Variants in DTNA observed in about 807,000 individuals in gnomAD.
DTNA encodes dystrophin-related protein 3.
Under a neutral mutation model 100.7 loss-of-function variants are expected in DTNA, and 43 were observed. That is an observed-to-expected ratio of 0.43 (90% CI 0.33 to 0.55). The LOEUF is 0.55. Ranked by LOEUF, DTNA falls within the 20% of genes least tolerant of loss-of-function variation. The pLI, the probability that DTNA is intolerant of heterozygous loss-of-function variation, is 0.04. For synonymous variants in DTNA, 349 were observed against 347.9 expected (o/e 1.00, Z -0.04); for missense variants, 798 against 953.9 (o/e 0.84, Z 2.15).
intron 21 of DTNA, among the ~76,000 whole-genome samples, chr18:34,883,510 A>G (rs752534521): frequency 5.3e-5 from 8 of 152,012 alleles, no homozygotes; most frequent in Non-Finnish European, 8.8e-5. Flanking sequence ...GGGTCTCACC[A>G]TGTTGTCCAA....
intron 20 of DTNA, among the ~76,000 whole-genome samples, chr18:34,880,727 C>T (rs537817292): frequency 2.3e-4 from 35 of 152,266 alleles, no homozygotes; most frequent in African/African-American, 6.0e-4. Flanking sequence ...GAGGTGTGGT[C>T]TGAGAGTCAG....
At chr18:34,571,415 T>C (rs2047574952) in intron 1 of DTNA, among the ~76,000 whole-genome samples, 1 of 152,086 alleles carries the variant, frequency 6.6e-6, no homozygotes, top group Non-Finnish European at 1.5e-5. Flanking sequence ...CTTGACTCAG[T>C]TTATGAATGG....
chr18:34,618,499 G>C (rs1434016803), intron 1 of DTNA, among the ~76,000 whole-genome samples: 1 of 152,090 alleles, frequency 6.6e-6, no homozygotes, highest in Admixed American at 6.6e-5. Flanking sequence ...GAGTAGATAG[G>C]TCATAATTCT....
chr18:34,825,383 A>T, intron 9 of DTNA: 1 of 1,376,864 alleles, frequency 7.3e-7, no homozygotes, highest in Non-Finnish European at 1.0e-6. Context: ...TTTAGAACTA[A>T]GTCTTCTTAT....
chr18:34,823,436 T>C lies in DTNA; in HGVS notation c.1001+2521T>C, dbSNP rs540157801. ...TGCTGTACAATGGAAATAAGTGAAATTTAAGAAATAAAACACACCAATACT... is the reference window on the plus strand; with the variant it reads ...TGCTGTACAATGGAAATAAGTGAAACTTAAGAAATAAAACACACCAATACT... On this transcript the variant is annotated intron_variant, in intron 9 of 22. Coordinates refer to ENST00000444659, the MANE Select transcript of DTNA (RefSeq NM_001386795.1). 2.6e-5 allele frequency among the ~76,000 whole-genome samples: 4 copies of C among 152,292 alleles called. No individual in the cohort carries two copies. The South Asian group carries it at 6.2e-4, about 24-fold the overall frequency.
chr18:34,670,415 C>T (rs2145020297), intron 1 of DTNA, among the ~76,000 whole-genome samples: 1 of 152,332 alleles, frequency 6.6e-6, no homozygotes, highest in Non-Finnish European at 1.5e-5. Context: ...GCCTTCTTCT[C>T]TCAACTTGTC....
chr18:34,559,302 A>T (rs780455555), intron 1 of DTNA, among the ~76,000 whole-genome samples: 1 of 152,368 alleles, frequency 6.6e-6, no homozygotes, highest in East Asian at 1.9e-4. Flanking sequence ...TTACATTGCA[A>T]TTTCGCCAGG....
In DTNA at chr18:34,710,303, T is replaced by G. The variant is rs1411836631; in HGVS notation, c.-144T>G. Reference sequence around the variant, plus strand: ...TGTGTGTTGAGCACAAGGGGAAGAATGAACACAGCTTTTTATTGAAGTTAA... The same window carrying G: ...TGTGTGTTGAGCACAAGGGGAAGAAGGAACACAGCTTTTTATTGAAGTTAA... On this transcript the variant is annotated 5_prime_UTR_variant, in exon 1 of 23. It removes an upstream start codon present in the reference 5' UTR. Transcript: ENST00000444659. 3 of 152,198 alleles carry G rather than the reference T, an allele frequency of 2.0e-5. No homozygotes were observed. The highest frequency in any genetic ancestry group is 7.2e-5 in the African/African-American group (3 of 41,446). The allele number at this position is 152,198 out of a possible 1,614,324, so 9.4% of individuals were successfully genotyped here. A position where few individuals can be genotyped will look rare whatever the true frequency, so the allele number is the denominator to read the frequency against.
intron 4 of DTNA, among the ~76,000 whole-genome samples, chr18:34,801,009 A>G (rs2149162743): frequency 6.6e-6 from 1 of 152,316 alleles, no homozygotes; most frequent in Non-Finnish European, 1.5e-5. Context: ...ATGACAAGTC[A>G]AATTTTGAAG....
At chr18:34,597,766 A>ACCGCCCC (rs1555637966) in intron 1 of DTNA, among the ~76,000 whole-genome samples, 1 of 144,586 alleles carries the variant, frequency 6.9e-6, no homozygotes, top group Non-Finnish European at 1.5e-5. Context: ...ACCTTTCCCC[A>ACCGCCCC]CCGCCCCCCG....
At chr18:34,805,834 A>G (rs956758858) in intron 4 of DTNA, among the ~76,000 whole-genome samples, 14 of 152,164 alleles carry the variant, frequency 9.2e-5, no homozygotes, top group African/African-American at 3.4e-4. Flanking sequence ...AGTAAATTAT[A>G]GAGATTCTGG....
intron 1 of DTNA, among the ~76,000 whole-genome samples, chr18:34,658,850 C>T (rs2074766841): frequency 1.3e-5 from 2 of 152,164 alleles, no homozygotes. Context: ...TTGGACAGTG[C>T]CCTTTCTTTC....
At chr18:34,659,773 G>A (rs1347129051) in intron 1 of DTNA, among the ~76,000 whole-genome samples, 1 of 152,126 alleles carries the variant, frequency 6.6e-6, no homozygotes, top group African/African-American at 2.4e-5. Flanking sequence ...CTGTTATCTT[G>A]CGCATTAACC....
At chr18:34,734,482 G>A (rs1166451279) in intron 1 of DTNA, among the ~76,000 whole-genome samples, 8 of 152,206 alleles carry the variant, frequency 5.3e-5, no homozygotes, top group East Asian at 3.9e-4. Context: ...GTCACCTGGC[G>A]AGGCTGTGCA....
chr18:34,837,648 T>C (rs1270703446), intron 11 of DTNA, among the ~76,000 whole-genome samples: 1 of 152,212 alleles, frequency 6.6e-6, no homozygotes, highest in Non-Finnish European at 1.5e-5. Flanking sequence ...ACACTTCTAA[T>C]ATGAAGCAAT....
At chr18:34,757,423 AG>A (rs1178409645) in intron 2 of DTNA, 7 of 152,178 alleles carry the variant, frequency 4.6e-5, no homozygotes, top group African/African-American at 9.7e-5. Context: ...CAGACACAGT[AG>A]AAAAAAAATA....
intron 1 of DTNA, among the ~76,000 whole-genome samples, chr18:34,555,234 T>A (rs1373840243): frequency 6.9e-6 from 1 of 145,090 alleles, no homozygotes; most frequent in Non-Finnish European, 1.5e-5. Context: ...CCCTTTATCA[T>A]TTTTTATTGT....
intron 1 of DTNA, among the ~76,000 whole-genome samples, chr18:34,688,467 G>A (rs1258403096): frequency 6.6e-6 from 1 of 152,110 alleles, no homozygotes; most frequent in African/African-American, 2.4e-5. Flanking sequence ...TCGAATATTG[G>A]CCCCCACTCT....
chr18:34,551,923 T>C (rs1361726485), intron 1 of DTNA, among the ~76,000 whole-genome samples: 1 of 152,142 alleles, frequency 6.6e-6, no homozygotes, highest in African/African-American at 2.4e-5. Context: ...TCTCATTCTA[T>C]TCAACTGGCC....
Sources: gnomAD v4.1 joint callset for allele counts (sites outside exome capture counted in the v4.1 genomes callset) on GRCh38, gnomAD v4.1.1 for gene constraint, MANE v1.5 for transcripts, NCBI Gene and HGNC (gene_info 2026-07-23, HGNC 2026-07-21) for gene names.